The following DPYD variants were observed in gnomAD, a reference collection of about 807,000 sequenced individuals.
The protein encoded by DPYD is dihydropyrimidine dehydrogenase.
A neutral mutation model predicts 116.2 loss-of-function variants in DPYD; 109 were observed. The ratio of observed to expected loss-of-function variants is 0.94; its 90% confidence interval spans 0.80 to 1.10. The LOEUF (loss-of-function observed/expected upper bound fraction) is 1.10, where lower values mean the gene tolerates loss of function less well. Among genes scored for constraint, DPYD ranks in the 50% least tolerant of loss-of-function variants. The pLI, the probability that DPYD is intolerant of heterozygous loss-of-function variation, is 0.00. For missense variants in DPYD, 1,302 were observed against 1,254.5 expected, an observed-to-expected ratio of 1.04 and a Z score of -0.57; for synonymous variants, 440 against 432.0, an observed-to-expected ratio of 1.02 and a Z score of -0.23.
intron 8 of DPYD, among the ~76,000 whole-genome samples, chr1:97,625,565 T>A (rs2100780839): frequency 6.6e-6 from 1 of 152,072 alleles, no homozygotes; most frequent in South Asian, 2.1e-4. Flanking sequence ...AAGAAAGAAT[T>A]AAAATTATGG....
In DPYD at chr1:97,528,121, G is replaced by C. The variant is rs112100271; in HGVS notation, c.1525-12180C>G. ...TAATTAACTCAAGATCAGTTCCTTC[G>C]CTCTTTGAAGAAATATCTATTGAGG... On this transcript the variant is annotated intron_variant, in intron 12 of 22. Coordinates refer to ENST00000370192, the MANE Select transcript of DPYD (RefSeq NM_000110.4). Among the ~76,000 whole-genome samples, 725 of 152,136 alleles carry C rather than the reference G, an allele frequency of 4.8e-3. 9 individuals carry two copies. Among genetic ancestry groups the C allele is most frequent in the African/African-American group, 0.017 (699 of 41,510 alleles).
chr1:97,281,942 C>T (rs1046295711), intron 18 of DPYD, among the ~76,000 whole-genome samples: 1 of 152,112 alleles, frequency 6.6e-6, no homozygotes, highest in African/African-American at 2.4e-5. Context: ...CTTCACTTTG[C>T]ATGTCTTCGC....
intron 5 of DPYD, among the ~76,000 whole-genome samples, chr1:97,704,420 T>TA (rs1022037801): frequency 4.0e-5 from 6 of 151,572 alleles, no homozygotes; most frequent in Admixed American, 1.3e-4. Context: ...TTGTGTAAGT[T>TA]AAAAAAAAGA....
In DPYD at chr1:97,903,492, G is replaced by C. The variant is rs138141090; in HGVS notation, c.39+17392C>G. 3.1e-4 allele frequency among the ~76,000 whole-genome samples: 47 copies of C among 151,866 alleles called. No homozygotes were observed. In the South Asian group the frequency reaches 6.2e-3, roughly 20 times the overall value. On this transcript the variant is annotated intron_variant, in intron 1 of 22. Transcript: ENST00000370192. Reference sequence around the variant, plus strand: ...TTTGTCATAACCAGAATCTTGAAATGGTCAAAACATGTTGGTCTAGCAAAT... The same window carrying C: ...TTTGTCATAACCAGAATCTTGAAATCGTCAAAACATGTTGGTCTAGCAAAT...
At chr1:97,739,774 A>G (rs536913130) in intron 4 of DPYD, among the ~76,000 whole-genome samples, 31 of 152,134 alleles carry the variant, frequency 2.0e-4, no homozygotes, top group African/African-American at 7.0e-4. Context: ...CAATTATTCA[A>G]TCAATCAACC....
intron 7 of DPYD, among the ~76,000 whole-genome samples, chr1:97,685,493 G>A (rs989380037): frequency 6.6e-6 from 1 of 152,038 alleles, no homozygotes; most frequent in Non-Finnish European, 1.5e-5. Flanking sequence ...CTCTGGCCAG[G>A]GCAATCAGGC....
chr1:97,555,196 G>A (rs1006488895), intron 11 of DPYD, among the ~76,000 whole-genome samples: 1 of 151,792 alleles, frequency 6.6e-6, no homozygotes, highest in East Asian at 1.9e-4. Context: ...CTCTACCCTG[G>A]CTCTGCTTAT....
At chr1:97,556,671 CAA>C (rs1287976612) in intron 11 of DPYD, among the ~76,000 whole-genome samples, 31 of 151,110 alleles carry the variant, frequency 2.1e-4, no homozygotes, top group Admixed American at 2.0e-4. Context: ...CATGTCCCTA[CAA>C]AAGACATGAA....
chr1:97,740,566 T>C, intron 3 of DPYD, 87 bp from the exon 4 acceptor site: 1 of 1,100,528 alleles, frequency 9.1e-7, no homozygotes, highest in Admixed American at 1.8e-5. Flanking sequence ...AGTCCGTGTC[T>C]AGTAAGTATA....
intron 3 of DPYD, among the ~76,000 whole-genome samples, chr1:97,775,735 C>T (rs12739159): frequency 0.18 from 26,675 of 151,948 alleles, 2,499 homozygotes; most frequent in Non-Finnish European, 0.21. Context: ...AGAGCAGGTG[C>T]AATGTTTGCT....
At chr1:97,650,938 CAT>C (rs1224382647) in intron 8 of DPYD, among the ~76,000 whole-genome samples, 1 of 151,958 alleles carries the variant, frequency 6.6e-6, no homozygotes, top group African/African-American at 2.4e-5. Flanking sequence ...TGTCATATAA[CAT>C]GTCACCTAAC....
chr1:97,741,464 C>T (rs554702067), intron 3 of DPYD, among the ~76,000 whole-genome samples: 9 of 152,060 alleles, frequency 5.9e-5, no homozygotes, highest in South Asian at 2.1e-4. Context: ...CCTGGGAATC[C>T]GCATTTTGAA....
chr1:97,619,416 T>C (rs1487817928), intron 8 of DPYD, among the ~76,000 whole-genome samples: 1 of 152,184 alleles, frequency 6.6e-6, no homozygotes, highest in Non-Finnish European at 1.5e-5. Flanking sequence ...TAGTAATATA[T>C]AGAGATAACA....
intron 3 of DPYD, among the ~76,000 whole-genome samples, chr1:97,781,161 T>C (rs1490833253): frequency 6.6e-6 from 1 of 152,236 alleles, no homozygotes; most frequent in Non-Finnish European, 1.5e-5. Flanking sequence ...ATCTTCATTA[T>C]AGAGTTCTAT....
intron 2 of DPYD, among the ~76,000 whole-genome samples, chr1:97,875,429 A>G (rs1384314597): frequency 6.6e-6 from 1 of 152,002 alleles, no homozygotes; most frequent in African/African-American, 2.4e-5. Context: ...CAAGAGAGGC[A>G]TAATTGAGAT....
At chr1:97,498,133 T>C (rs1679371644) in intron 13 of DPYD, among the ~76,000 whole-genome samples, 2 of 151,692 alleles carry the variant, frequency 1.3e-5, no homozygotes, top group Admixed American at 1.3e-4. Flanking sequence ...AGATAGAAAA[T>C]ACATTACTGG....
chr1:97,920,745 C>A, intron 1 of DPYD, 139 bp downstream of exon 1: 1 of 1,272,176 alleles, frequency 7.9e-7, no homozygotes, highest in Non-Finnish European at 1.1e-6. Context: ...TCCGCTCCCC[C>A]GCAGAGCTCC....
chr1:97,367,623 C>A (rs1003440911), intron 16 of DPYD, among the ~76,000 whole-genome samples: 1 of 152,154 alleles, frequency 6.6e-6, no homozygotes, highest in Non-Finnish European at 1.5e-5. Flanking sequence ...GTACTGCCAT[C>A]TTTGTTCAGG....
At chr1:97,862,281 G>A (rs1368905963) in intron 2 of DPYD, among the ~76,000 whole-genome samples, 1 of 151,800 alleles carries the variant, frequency 6.6e-6, no homozygotes, top group African/African-American at 2.4e-5. Flanking sequence ...ATTACTATGA[G>A]TTTAAATGGT....
Sources: gnomAD v4.1 joint callset for allele counts (sites outside exome capture counted in the v4.1 genomes callset) on GRCh38, gnomAD v4.1.1 for gene constraint, MANE v1.5 for transcripts, NCBI Gene and HGNC (gene_info 2026-07-23, HGNC 2026-07-21) for gene names.